Variants in DMD observed in about 807,000 individuals in gnomAD.
DMD encodes mutant dystrophin.
Under a neutral mutation model 330.1 loss-of-function variants are expected in DMD, and 63 were observed. The ratio of observed to expected loss-of-function variants is 0.19; its 90% confidence interval spans 0.16 to 0.24. The LOEUF (loss-of-function observed/expected upper bound fraction) is 0.24. Among genes scored for constraint, DMD ranks in the 10% least tolerant of loss-of-function variants. The pLI is 1.00. For synonymous variants in DMD, 1,223 were observed against 959.8 expected, an observed-to-expected ratio of 1.27 and a Z score of -5.07; for missense variants, 3,344 against 2,684.1, an observed-to-expected ratio of 1.25 and a Z score of -5.43.
At chrX:32,150,445 T>C (rs1012288144) in intron 44 of DMD, among the ~76,000 whole-genome samples, 4 of 111,406 alleles carry the variant, frequency 3.6e-5, no homozygotes, top group Non-Finnish European at 7.5e-5. Flanking sequence ...ATACCTAAAT[T>C]AGAATAACAC....
At chrX:32,524,007 A>G (rs903402135) in intron 17 of DMD, among the ~76,000 whole-genome samples, 4 of 99,650 alleles carry the variant, frequency 4.0e-5, no homozygotes, top group Non-Finnish European at 5.9e-5. Flanking sequence ...ATCTCGGCTC[A>G]CTGCAAGCTC....
intron 44 of DMD, among the ~76,000 whole-genome samples, chrX:32,057,228 T>G (rs1569537872): frequency 8.9e-6 from 1 of 111,777 alleles, no homozygotes; most frequent in East Asian, 2.8e-4. Context: ...TGCACACTTT[T>G]GCCACTTCTT....
intron 44 of DMD, among the ~76,000 whole-genome samples, chrX:32,110,348 C>T (rs186726130): frequency 9.0e-6 from 1 of 111,650 alleles, no homozygotes; most frequent in East Asian, 2.8e-4. Flanking sequence ...AAGGCTGATC[C>T]TGGAATCAAC....
chrX:33,167,660 AAAG>A (rs753807924), intron 1 of DMD, among the ~76,000 whole-genome samples: 565 of 111,057 alleles, frequency 5.1e-3, no homozygotes, highest in African/African-American at 0.017. Flanking sequence ...TGAGCATGGA[AAAG>A]AAGATGACTT....
In DMD at chrX:33,302,150, A is replaced by G. The variant is rs1197164660; in HGVS notation, c.7+37109T>C. ...GCAACAGATATGCCAAGATTTGTTT[A>G]TCTGACCCTTATTTTTCAGCTACTT... On this transcript the variant is annotated intron_variant, in intron 1 of 17. Transcript: ENST00000288447. 4.5e-5 allele frequency among the ~76,000 whole-genome samples: 5 copies of G among 111,600 alleles called. No homozygotes were observed. The South Asian group carries it at 1.5e-3, about 33-fold the overall frequency.
rs73456115 is a variant in DMD at position 32,110,500 on chromosome X, C to A, written c.6438+106416G>T. Among the ~76,000 whole-genome samples, 201 of 111,895 alleles carry A rather than the reference C, an allele frequency of 1.8e-3. 1 individual carries two copies. Among genetic ancestry groups the A allele is most frequent in the African/African-American group, 5.9e-3 (181 of 30,906 alleles). ...ATATAAACAAGTTATTTGGTTTTAGCATTTAAAATAAAGGAGTTCTATCAA... is the reference window on the plus strand; with the variant it reads ...ATATAAACAAGTTATTTGGTTTTAGAATTTAAAATAAAGGAGTTCTATCAA... On this transcript the variant is annotated intron_variant, in intron 44 of 78. Coordinates refer to ENST00000357033, the MANE Select transcript of DMD (RefSeq NM_004006.3).
intron 55 of DMD, among the ~76,000 whole-genome samples, chrX:31,527,043 A>T (rs1047574301): frequency 9.0e-6 from 1 of 111,323 alleles, no homozygotes; most frequent in African/African-American, 3.3e-5. Context: ...GAGCCCAGGG[A>T]TGTCGAAGTT....
intron 63 of DMD, among the ~76,000 whole-genome samples, chrX:31,225,055 T>G (rs2147097039): frequency 8.9e-6 from 1 of 112,739 alleles, no homozygotes; most frequent in East Asian, 2.8e-4. Context: ...ATTGGCATGG[T>G]GGTTACACGA....
intron 16 of DMD, among the ~76,000 whole-genome samples, chrX:32,551,763 T>A (rs777541565): frequency 3.6e-5 from 4 of 111,854 alleles, no homozygotes; most frequent in Non-Finnish European, 7.5e-5. Context: ...ATTGATCTGA[T>A]ACACAACCTC....
At chrX:31,647,380 C>T (rs899251342) in intron 54 of DMD, among the ~76,000 whole-genome samples, 4 of 111,548 alleles carry the variant, frequency 3.6e-5, no homozygotes, top group Admixed American at 1.9e-4. Flanking sequence ...GAGAACAATG[C>T]CATTTTAGCA....
chrX:32,263,396 T>G (rs2097331513), intron 43 of DMD, among the ~76,000 whole-genome samples: 2 of 112,258 alleles, frequency 1.8e-5, no homozygotes, highest in South Asian at 7.4e-4. Context: ...AACATATTGT[T>G]ATCAATCTTA....
At chrX:33,070,673 C>CTCTCTCTCTCTCTCTCTCTATATATA (rs1192910156) in intron 1 of DMD, among the ~76,000 whole-genome samples, 1 of 35,656 alleles carries the variant, frequency 2.8e-5, no homozygotes, top group Non-Finnish European at 4.5e-5. Context: ...CTCTCTCTCT[C>CTCTCTCTCTCTCTCTCTCTATATATA]TATATATATA....
intron 1 of DMD, among the ~76,000 whole-genome samples, chrX:33,337,210 G>A (rs1603431340): frequency 9.0e-6 from 1 of 111,604 alleles, no homozygotes; most frequent in Non-Finnish European, 1.9e-5. Context: ...ACATTTTTTC[G>A]AAGGAGACAA....
intron 1 of DMD, among the ~76,000 whole-genome samples, chrX:33,251,288 T>C (rs2148897556): frequency 8.9e-6 from 1 of 112,012 alleles, no homozygotes; most frequent in African/African-American, 3.2e-5. Context: ...AATGCATTTC[T>C]TTCTCTATGT....
intron 7 of DMD, among the ~76,000 whole-genome samples, chrX:32,718,324 T>A (rs1308176295): frequency 9.0e-6 from 1 of 110,948 alleles, no homozygotes; most frequent in Non-Finnish European, 1.9e-5. Context: ...TATCTGGTTG[T>A]GTGAAAGCGT....
chrX:31,672,669 C>T (rs899628139), intron 53 of DMD, among the ~76,000 whole-genome samples: 6 of 111,903 alleles, frequency 5.4e-5, no homozygotes, highest in Admixed American at 9.5e-5. Context: ...TTGAATCTGA[C>T]GTCAAGTGAA....
At chrX:33,126,657 A>C (rs1293852200) in intron 1 of DMD, among the ~76,000 whole-genome samples, 2 of 112,424 alleles carry the variant, frequency 1.8e-5, no homozygotes, top group Admixed American at 9.5e-5. Flanking sequence ...GCATAATTTA[A>C]TAAATAGACG....
intron 49 of DMD, among the ~76,000 whole-genome samples, chrX:31,828,393 C>G (rs773980391): frequency 9.0e-6 from 1 of 111,033 alleles, no homozygotes; most frequent in Non-Finnish European, 1.9e-5. Flanking sequence ...TGGCTGGGCG[C>G]GGTGGCTCAC....
intron 43 of DMD, among the ~76,000 whole-genome samples, chrX:32,228,498 G>C (rs112138951): frequency 0.1 from 11,158 of 111,364 alleles, 535 homozygotes; most frequent in Admixed American, 0.15. Context: ...AGCAGAAATA[G>C]TTTGCTATTA....
Sources: allele counts gnomAD v4.1 joint callset (sites outside exome capture counted in the v4.1 genomes callset), GRCh38; gene constraint gnomAD v4.1.1; transcripts MANE v1.5; gene names NCBI Gene and HGNC (gene_info 2026-07-23, HGNC 2026-07-21).